Variants in GRB10 observed in about 807,000 individuals in gnomAD.
GRB10 encodes the protein growth factor receptor-bound protein 10.
A neutral mutation model predicts 80.9 loss-of-function variants in GRB10; 20 were observed. The observed-to-expected ratio is 0.25, with a 90% confidence interval of 0.17 to 0.36. The LOEUF is 0.36. Ranked by LOEUF, GRB10 falls within the 10% of genes least tolerant of loss-of-function variation. GRB10 has a pLI of 1.00. For synonymous variants in GRB10, 291 were observed against 291.5 expected (o/e 1.00, Z 0.02); for missense variants, 548 against 747.7 (o/e 0.73, Z 3.12).
chr7:50,700,472 T>A (rs910379140), intron 5 of GRB10, among the ~76,000 whole-genome samples: 1 of 152,216 alleles, frequency 6.6e-6, no homozygotes, highest in Admixed American at 6.5e-5. Flanking sequence ...TACCAAAGAC[T>A]GGTGTTTGAT....
intron 7 of GRB10, among the ~76,000 whole-genome samples, chr7:50,640,604 C>G: frequency 6.6e-6 from 1 of 152,218 alleles, no homozygotes; most frequent in East Asian, 1.9e-4. Flanking sequence ...TGCTACAAAA[C>G]TTGACCATAA....
intron 2 of GRB10, among the ~76,000 whole-genome samples, chr7:50,770,498 C>T (rs754172590): frequency 1.3e-5 from 2 of 152,194 alleles, no homozygotes; most frequent in African/African-American, 2.4e-5. Context: ...CTGTGGTAGC[C>T]TCTCACATGG....
intron 6 of GRB10, among the ~76,000 whole-genome samples, chr7:50,670,369 C>T (rs1387046554): frequency 2.0e-5 from 3 of 151,910 alleles, no homozygotes; most frequent in South Asian, 2.1e-4. Flanking sequence ...TGTGAGTGTG[C>T]ATTAATACTA....
Position 50,612,783 on chromosome 7 carries a change from C to G in GRB10, c.1152G>C (p.Glu384Asp), listed in dbSNP as rs774509081. Residue 384 changes from glutamate to aspartate, a missense_variant, in exon 13 of 19, where the codon GAG becomes GAC. Physicochemically the swap from Glu to Asp is conservative, Grantham distance 45. This residue lies in a region of GRB10 where 270 missense variants were observed against 433.6 expected (regional missense o/e 0.62). Transcript: ENST00000401949. ...KELRLLCAED[E>D]QTRTCWMTAF... ...CTGTCATCCAGCACGTCCTGGTTTG[C>G]TCGTCCTCTGCACAGAGCAACCTCA... 6.2e-7 allele frequency: 1 copy of G among 1,614,066 alleles called. No individual in the cohort carries two copies. Among genetic ancestry groups the G allele is most frequent in the East Asian group, 2.2e-5 (1 of 44,888 alleles).
rs531665673 is a variant in GRB10 at position 50,630,702 on chromosome 7, G to A, written c.505-3724C>T. Among the ~76,000 whole-genome samples the A allele has an allele frequency of 7.9e-5, 12 of 152,252 alleles. 1 individual carries two copies. In the South Asian group the frequency reaches 2.5e-3, roughly 32 times the overall value. ...TCTACTGCAAAAAAGCCCCTAAATA[G>A]CAAATTGTTTTTAAAAATAAAACGG... On this transcript the variant is annotated intron_variant, in intron 7 of 18. Transcript: ENST00000401949.
chr7:50,630,100 C>T (rs1421685584), intron 7 of GRB10, among the ~76,000 whole-genome samples: 5 of 152,314 alleles, frequency 3.3e-5, no homozygotes, highest in Admixed American at 1.3e-4. Flanking sequence ...TTTGTGACCT[C>T]GGATAGGTAA....
At chr7:50,628,658 G>A (rs1177146213) in intron 7 of GRB10, among the ~76,000 whole-genome samples, 1 of 152,138 alleles carries the variant, frequency 6.6e-6, no homozygotes, top group Non-Finnish European at 1.5e-5. Flanking sequence ...CGGGGGACCA[G>A]CCAGGGGAGC....
intron 2 of GRB10, among the ~76,000 whole-genome samples, chr7:50,764,120 A>T (rs1270602322): frequency 6.6e-6 from 1 of 151,732 alleles, no homozygotes; most frequent in African/African-American, 2.4e-5. Flanking sequence ...ATTTTTTCAA[A>T]CACCTGTGGC....
Position 50,614,862 on chromosome 7 carries a change from G to C in GRB10, c.1003C>G (p.Leu335Val). 1 of 1,613,428 alleles carries C rather than the reference G, an allele frequency of 6.2e-7. No individual in the cohort carries two copies. Among genetic ancestry groups the C allele is most frequent in the African/African-American group, 1.3e-5 (1 of 75,014 alleles). The change falls in exon 12 of 19, where the codon CTG (leucine) becomes GTG (valine). Residue 335 changes from leucine (L) to valine (V), a missense_variant. This residue lies in a region of GRB10 where 270 missense variants were observed against 433.6 expected (regional missense o/e 0.62). Coordinates refer to ENST00000401949, the MANE Select transcript of GRB10 (RefSeq NM_001350814.2). ...TTGCTGTCCTCCAGGTCGGCCAGCA[G>C]CTGCAGGTGTCTGGGTTCCTGTGAC... ...GTSKEPRHLQLLADLEDSNIF... is the reference protein window; with the variant it reads ...GTSKEPRHLQVLADLEDSNIF...
chr7:50,699,867 G>A (rs2063911742), intron 5 of GRB10, among the ~76,000 whole-genome samples: 1 of 152,094 alleles, frequency 6.6e-6, no homozygotes, highest in Admixed American at 6.5e-5. Context: ...CAGGCGCGGT[G>A]GCTCATGCCT....
rs142871629 is a variant in GRB10, at chr7:50,656,372, G to C, written c.504+13350C>G. Among the ~76,000 whole-genome samples the C allele has an allele frequency of 3.3e-4, 51 of 152,316 alleles. No homozygotes were observed. The East Asian group carries it at 7.9e-3, about 24-fold the overall frequency. On this transcript the variant is annotated intron_variant, in intron 7 of 18. Transcript: ENST00000401949. ...TGTGCTGCACAGCTGAAAAAGACAG[G>C]ATGTGTAACTACTGGAACAATACAT... is the stretch of plus-strand genomic sequence containing the variant.
intron 8 of GRB10, among the ~76,000 whole-genome samples, chr7:50,621,546 C>G (rs921136944): frequency 2.6e-4 from 40 of 152,352 alleles, no homozygotes; most frequent in African/African-American, 9.4e-4. Context: ...AGCTGAGTGC[C>G]CCTGGCACAA....
At chr7:50,767,974 A>G (rs959147782) in intron 2 of GRB10, among the ~76,000 whole-genome samples, 1 of 152,176 alleles carries the variant, frequency 6.6e-6, no homozygotes, top group South Asian at 2.1e-4. Flanking sequence ...CTCTGTGCAG[A>G]GGGCCTCAGG....
At chr7:50,751,698 T>A (rs4947842) in intron 3 of GRB10, among the ~76,000 whole-genome samples, 138,197 of 152,296 alleles carry the variant, frequency 0.91, 62,853 homozygotes, top group African/African-American at 0.96. Context: ...TGTGCAGTTT[T>A]CTGTGCTCAA....
rs377113228 is a variant in GRB10 at position 50,764,986 on chromosome 7, G to C, written c.-216-8930C>G. On this transcript the variant is annotated intron_variant, in intron 2 of 18. Coordinates refer to ENST00000401949, the MANE Select transcript of GRB10 (RefSeq NM_001350814.2). ...AAACAATTCCATAGCAAAAAAACAAGTAACTCAATTTAAAAATGGGCAAAA... is the reference window on the plus strand; with the variant it reads ...AAACAATTCCATAGCAAAAAAACAACTAACTCAATTTAAAAATGGGCAAAA... Among the ~76,000 whole-genome samples the C allele has an allele frequency of 4.6e-5, 7 of 152,232 alleles. No individual in the cohort carries two copies. The East Asian group carries it at 1.3e-3, about 29-fold the overall frequency.
At chr7:50,619,925 TACAC>T (rs55706374) in intron 8 of GRB10, among the ~76,000 whole-genome samples, 17,196 of 151,998 alleles carry the variant, frequency 0.11, 1,256 homozygotes, top group Non-Finnish European at 0.17. Flanking sequence ...TGTGGACACG[TACAC>T]ACACACACAT....
At chr7:50,775,537 A>G (rs2077536926) in intron 2 of GRB10, among the ~76,000 whole-genome samples, 1 of 152,176 alleles carries the variant, frequency 6.6e-6, no homozygotes, top group South Asian at 2.1e-4. Context: ...TCCATTAGGC[A>G]TTGTCCTTGT....
At chr7:50,745,847 T>C (rs1220405275) in intron 3 of GRB10, among the ~76,000 whole-genome samples, 1 of 152,246 alleles carries the variant, frequency 6.6e-6, no homozygotes, top group Non-Finnish European at 1.5e-5. Flanking sequence ...TTAATCACTC[T>C]TTCTAAACGC....
At chr7:50,596,515 T>C (rs576396871) in intron 17 of GRB10, among the ~76,000 whole-genome samples, 1 of 152,318 alleles carries the variant, frequency 6.6e-6, no homozygotes, top group Admixed American at 6.5e-5. Flanking sequence ...GGAGAGAAGA[T>C]TTAGGATGAA....
Sources: allele counts gnomAD v4.1 joint callset (sites outside exome capture counted in the v4.1 genomes callset), GRCh38; gene constraint gnomAD v4.1.1; regional missense constraint gnomAD v4.1.1; transcripts MANE v1.5; gene names NCBI Gene and HGNC (gene_info 2026-07-23, HGNC 2026-07-21).